The following MYO1D variants were observed in gnomAD, a reference collection of about 807,000 sequenced individuals.
MYO1D encodes myosin ID.
Under a neutral mutation model 122.0 loss-of-function variants are expected in MYO1D, and 83 were observed. The observed-to-expected ratio is 0.68, with a 90% confidence interval of 0.57 to 0.82. The LOEUF (loss-of-function observed/expected upper bound fraction) is 0.82, where lower values mean the gene tolerates loss of function less well. MYO1D is among the 40% of genes least tolerant of loss of function. MYO1D has a pLI of 0.00. For missense variants in MYO1D, 1,157 were observed against 1,269.5 expected (o/e 0.91, Z 1.35); for synonymous variants, 464 against 446.9 (o/e 1.04, Z -0.48).
intron 16 of MYO1D, among the ~76,000 whole-genome samples, chr17:32,669,947 G>A (rs2088689540): frequency 6.7e-6 from 1 of 150,174 alleles, no homozygotes; most frequent in Admixed American, 6.6e-5. Context: ...GGCTGGAGTT[G>A]CGGTGGTGTG....
chr17:32,539,278 C>CAG (rs1910763260), intron 21 of MYO1D, among the ~76,000 whole-genome samples: 1 of 7,474 alleles, frequency 1.3e-4, no homozygotes, highest in Non-Finnish European at 3.2e-4. Context: ...CCTGTCTCTA[C>CAG]ACACACACAC....
At chr17:32,613,789 C>CAAAA (rs60701225) in intron 20 of MYO1D, among the ~76,000 whole-genome samples, 18,788 of 50,970 alleles carry the variant, frequency 0.37, 4,997 homozygotes, top group Non-Finnish European at 0.4. Flanking sequence ...GATTCCATCT[C>CAAAA]AAAAAAAAAA....
intron 14 of MYO1D, among the ~76,000 whole-genome samples, chr17:32,727,341 A>G (rs575800761): frequency 6.6e-6 from 1 of 152,376 alleles, no homozygotes; most frequent in East Asian, 1.9e-4. Flanking sequence ...ATCTCTTAGA[A>G]CAGCTCAGAA....
intron 14 of MYO1D, among the ~76,000 whole-genome samples, chr17:32,728,853 T>C (rs2150996710): frequency 6.6e-6 from 1 of 152,180 alleles, no homozygotes; most frequent in African/African-American, 2.4e-5. Context: ...CAGTACTGAG[T>C]GATTACGCAT....
rs116298379 is a variant in MYO1D at position 32,717,423 on chromosome 17, C to A, written c.1913+3600G>T. ...ACAATCAGTACTTGTTTAGATTTAA[C>A]AAAAAGTTTTACAGATTTCTTTGCT... On this transcript the variant is annotated intron_variant, in intron 15 of 21. Transcript: ENST00000318217. 5.3e-3 allele frequency among the ~76,000 whole-genome samples: 810 copies of A among 152,306 alleles called. 9 individuals carry two copies. Among genetic ancestry groups the A allele is most frequent in the African/African-American group, 0.018 (750 of 41,568 alleles).
At chr17:32,739,516 T>C (rs2089749466) in intron 13 of MYO1D, among the ~76,000 whole-genome samples, 1 of 145,214 alleles carries the variant, frequency 6.9e-6, no homozygotes, top group Non-Finnish European at 1.5e-5. Context: ...GGGGGAGAGA[T>C]AGCATTAGGA....
rs371534034 is a variant in MYO1D, at chr17:32,592,176, G to A, written c.2864+12911C>T. ...TGTACAAAACCCTGACCCAGAAGCA[G>A]GTTGTCCAAGAATGGTTTAGCACCA... On this transcript the variant is annotated intron_variant, in intron 21 of 21. Transcript: ENST00000318217. Among the ~76,000 whole-genome samples, 9 of 152,290 alleles carry A rather than the reference G, an allele frequency of 5.9e-5. No homozygotes were observed. The East Asian group carries it at 1.5e-3, about 26-fold the overall frequency.
At chr17:32,663,520 T>TG (rs1390831278) in intron 16 of MYO1D, among the ~76,000 whole-genome samples, 1 of 152,190 alleles carries the variant, frequency 6.6e-6, no homozygotes, top group Non-Finnish European at 1.5e-5. Context: ...AAATCTGGGT[T>TG]GTATCATAGG....
intron 1 of MYO1D, among the ~76,000 whole-genome samples, chr17:32,781,734 C>CAAAAAAAAA (rs35583086): frequency 3.7e-5 from 4 of 108,352 alleles, no homozygotes; most frequent in African/African-American, 6.9e-5. Flanking sequence ...GGCCACAGGA[C>CAAAAAAAAA]AAAAAAAAAA....
chr17:32,685,071 C>G (rs1021350824), intron 16 of MYO1D, among the ~76,000 whole-genome samples: 5 of 151,804 alleles, frequency 3.3e-5, no homozygotes, highest in Admixed American at 3.3e-4. Flanking sequence ...ATCAAGTGAC[C>G]AGGGAAAAGG....
chr17:32,604,586 C>T (rs958389489), intron 21 of MYO1D, among the ~76,000 whole-genome samples: 1 of 152,180 alleles, frequency 6.6e-6, no homozygotes, highest in African/African-American at 2.4e-5. Flanking sequence ...TCAGGGCTTA[C>T]TATGAAGTTC....
chr17:32,649,359 T>C (rs372571126), intron 19 of MYO1D, among the ~76,000 whole-genome samples: 9 of 152,226 alleles, frequency 5.9e-5, no homozygotes, highest in African/African-American at 2.2e-4. Context: ...TCCCCAGTCC[T>C]CTCTTTCCCC....
At chr17:32,722,081 A>G (rs1484297627) in intron 14 of MYO1D, among the ~76,000 whole-genome samples, 1 of 152,226 alleles carries the variant, frequency 6.6e-6, no homozygotes, top group Admixed American at 6.5e-5. Flanking sequence ...CGGGTAGTAA[A>G]TAATTTAAGA....
chr17:32,628,767 A>T (rs1447841732), intron 20 of MYO1D, among the ~76,000 whole-genome samples: 1 of 152,272 alleles, frequency 6.6e-6, no homozygotes, highest in Non-Finnish European at 1.5e-5. Context: ...GGGAAGTAAC[A>T]GAAACTCATT....
intron 21 of MYO1D, among the ~76,000 whole-genome samples, chr17:32,563,332 C>T (rs2087144333): frequency 6.6e-6 from 1 of 151,288 alleles, no homozygotes; most frequent in South Asian, 2.1e-4. Flanking sequence ...GCCTCAGCCT[C>T]CTGAGTAGCT....
At chr17:32,739,386 C>T (rs4641794) in intron 13 of MYO1D, among the ~76,000 whole-genome samples, 60,899 of 150,864 alleles carry the variant, frequency 0.4, 12,631 homozygotes, top group East Asian at 0.54. Context: ...AGCAAACTAT[C>T]GCAAGGACAA....
intron 12 of MYO1D, 146 bp downstream of exon 12, chr17:32,748,790 T>G (rs186012913): frequency 6.6e-6 from 5 of 761,606 alleles, no homozygotes; most frequent in Middle Eastern, 2.6e-4. Flanking sequence ...TATGCCATTT[T>G]TAAGTTGAAC....
chr17:32,668,079 G>A (rs1159144538), intron 16 of MYO1D, among the ~76,000 whole-genome samples: 6 of 152,218 alleles, frequency 3.9e-5, no homozygotes, highest in African/African-American at 1.4e-4. Flanking sequence ...ACACTCTGTG[G>A]AGCTGTAGGA....
intron 21 of MYO1D, chr17:32,505,645 G>T (rs544412813): frequency 2.0e-5 from 3 of 152,272 alleles, no homozygotes; most frequent in African/African-American, 7.2e-5. Context: ...GGAACCTCTG[G>T]GTGGGAAAAC....
Sources: allele counts gnomAD v4.1 joint callset (sites outside exome capture counted in the v4.1 genomes callset), GRCh38; gene constraint gnomAD v4.1.1; transcripts MANE v1.5; gene names NCBI Gene and HGNC (gene_info 2026-07-23, HGNC 2026-07-21).